The following WDR70 variants were observed in gnomAD, a reference collection of about 807,000 sequenced individuals.
WDR70 encodes the protein WD repeat-containing protein 70.
Under a neutral mutation model 88.6 loss-of-function variants are expected in WDR70, and 53 were observed. The ratio of observed to expected loss-of-function variants is 0.60; its 90% CI spans 0.48 to 0.75. The LOEUF (loss-of-function observed/expected upper bound fraction) is 0.75, where lower values mean the gene tolerates loss of function less well. Ranked by LOEUF, WDR70 falls within the 30% of genes least tolerant of loss-of-function variation. The pLI, the probability that WDR70 is intolerant of heterozygous loss-of-function variation, is 0.00. For missense variants in WDR70, 610 were observed against 823.2 expected (o/e 0.74, Z 3.17); for synonymous variants, 280 against 270.0 (o/e 1.04, Z -0.36).
chr5:37,747,661 C>T (rs865929352), intron 17 of WDR70, among the ~76,000 whole-genome samples: 3 of 151,562 alleles, frequency 2.0e-5, no homozygotes, highest in African/African-American at 7.3e-5. Flanking sequence ...GGCAATCAGG[C>T]AAGAGGTATT....
At chr5:37,395,181 G>A (rs563641870) in intron 4 of WDR70, among the ~76,000 whole-genome samples, 6 of 152,210 alleles carry the variant, frequency 3.9e-5, no homozygotes, top group African/African-American at 7.2e-5. Context: ...CAACTCTGGC[G>A]GCAGGTGGAG....
At chr5:37,482,124 T>G (rs1230752612) in intron 8 of WDR70, among the ~76,000 whole-genome samples, 1 of 152,148 alleles carries the variant, frequency 6.6e-6, no homozygotes, top group African/African-American at 2.4e-5. Context: ...AACAAGTCTC[T>G]AGGAAGTTCC....
At chr5:37,686,557 A>C (rs1011369191) in intron 10 of WDR70, among the ~76,000 whole-genome samples, 1 of 142,324 alleles carries the variant, frequency 7.0e-6, no homozygotes, top group Non-Finnish European at 1.5e-5. Flanking sequence ...TGAGACCACC[A>C]CCCCCGGCTC....
intron 9 of WDR70, among the ~76,000 whole-genome samples, chr5:37,528,115 C>G (rs1741358721): frequency 6.6e-6 from 1 of 152,158 alleles, no homozygotes; most frequent in Non-Finnish European, 1.5e-5. Flanking sequence ...TTGACCCAGC[C>G]ATCCCATTAC....
At chr5:37,489,713 G>A (rs547533440) in intron 8 of WDR70, among the ~76,000 whole-genome samples, 1 of 152,154 alleles carries the variant, frequency 6.6e-6, no homozygotes, top group East Asian at 1.9e-4. Context: ...GTAGGGTGGT[G>A]TGGTAGGGCA....
chr5:37,659,570 A>T (rs1411082156), intron 10 of WDR70, among the ~76,000 whole-genome samples: 1 of 152,226 alleles, frequency 6.6e-6, no homozygotes, highest in Non-Finnish European at 1.5e-5. Flanking sequence ...TTTGTGTCTT[A>T]GCTCAGGCTG....
chr5:37,461,753 G>A (rs936460329), intron 7 of WDR70, among the ~76,000 whole-genome samples: 1 of 152,154 alleles, frequency 6.6e-6, no homozygotes, highest in African/African-American at 2.4e-5. Flanking sequence ...AAAGTGCTGG[G>A]ATTACAGGCG....
At chr5:37,712,685 T>TA (rs949249266) in intron 13 of WDR70, among the ~76,000 whole-genome samples, 8 of 151,624 alleles carry the variant, frequency 5.3e-5, no homozygotes, top group African/African-American at 1.5e-4. Context: ...ATTATCTCTT[T>TA]AAAAAAAAAC....
intron 7 of WDR70, among the ~76,000 whole-genome samples, chr5:37,472,866 T>C (rs1231287610): frequency 6.6e-6 from 1 of 152,088 alleles, no homozygotes; most frequent in Admixed American, 6.5e-5. Context: ...TGAACGTTTT[T>C]GTATGAGCCT....
In WDR70 at chr5:37,605,148, TC is replaced by T; in HGVS notation, c.1005del (p.Thr336LeufsTer12). 1 of 1,613,608 alleles carries T rather than the reference TC, an allele frequency of 6.2e-7. No individual in the cohort carries two copies. The highest frequency in any genetic ancestry group is 1.3e-5 in the African/African-American group (1 of 75,024). ...PRTMQGKKVI[P>X]TTCTYSRDGN... ...GGACGATGCAAGGCAAAAAAGTCATTCCCACTACGTGCACATATAGTAGAGA... is the reference window on the plus strand; with the variant it reads ...GGACGATGCAAGGCAAAAAAGTCATTCCACTACGTGCACATATAGTAGAGA... On this transcript the variant is annotated frameshift_variant, in exon 10 of 18. Coordinates refer to ENST00000265107, the MANE Select transcript of WDR70 (RefSeq NM_018034.4). LOFTEE classifies it high-confidence loss of function.
chr5:37,480,459 G>A (rs1240474053), intron 8 of WDR70, among the ~76,000 whole-genome samples: 3 of 152,188 alleles, frequency 2.0e-5, no homozygotes, highest in Admixed American at 6.5e-5. Flanking sequence ...CTGCATGGCT[G>A]GAGAGGCCTC....
rs767809769 is a variant in WDR70, at chr5:37,392,054, ATGAAGATAT to A, written c.234_242del (p.Asp79_Glu81del). On this transcript the variant is annotated inframe_deletion, in exon 4 of 18. Coordinates refer to ENST00000265107, the MANE Select transcript of WDR70 (RefSeq NM_018034.4). ...AGAGAGAAAGAATTAAGAAGACAAA[ATGAAGATAT>A]TGAGCCAACATCCTCAAGATCAAAT... is the stretch of plus-strand genomic sequence containing the variant. 2 of 1,612,986 alleles carry A rather than the reference ATGAAGATAT, an allele frequency of 1.2e-6. No homozygotes were observed. Among genetic ancestry groups the A allele is most frequent in the African/African-American group, 2.7e-5 (2 of 74,886 alleles).
At chr5:37,513,659 C>T (rs187039687) in intron 8 of WDR70, among the ~76,000 whole-genome samples, 15 of 152,214 alleles carry the variant, frequency 9.9e-5, no homozygotes, top group Non-Finnish European at 2.1e-4. Context: ...GTAGTCTGCA[C>T]CAAAACTGAA....
At chr5:37,715,636 G>C (rs1482596163) in intron 13 of WDR70, among the ~76,000 whole-genome samples, 1 of 152,164 alleles carries the variant, frequency 6.6e-6, no homozygotes, top group African/African-American at 2.4e-5. Context: ...TCCCAAGTTT[G>C]AGAAAAGCAA....
At chr5:37,556,918 C>G (rs1874178) in intron 9 of WDR70, among the ~76,000 whole-genome samples, 96,693 of 152,014 alleles carry the variant, frequency 0.64, 31,132 homozygotes, top group Non-Finnish European at 0.69. Flanking sequence ...GGTTGAGCCT[C>G]TTGTGGAGGT....
intron 6 of WDR70, among the ~76,000 whole-genome samples, chr5:37,439,804 C>A (rs561079403): frequency 6.6e-6 from 1 of 151,760 alleles, no homozygotes. Context: ...ACATTTTAGT[C>A]CCCCCGTCCC....
At chr5:37,627,879 AGAAT>A (rs1488507309) in intron 10 of WDR70, among the ~76,000 whole-genome samples, 12 of 152,170 alleles carry the variant, frequency 7.9e-5, no homozygotes, top group African/African-American at 2.9e-4. Flanking sequence ...GCTGCTGAAA[AGAAT>A]GAAGTTGTTA....
intron 9 of WDR70, among the ~76,000 whole-genome samples, chr5:37,519,565 A>G (rs1158096057): frequency 7.5e-6 from 1 of 133,868 alleles, no homozygotes; most frequent in African/African-American, 2.9e-5. Flanking sequence ...CTCACCTCCC[A>G]GACGATGGGC....
At chr5:37,724,787 T>C in intron 15 of WDR70, 147 bp from the exon 16 acceptor site, 1 of 795,576 alleles carries the variant, frequency 1.3e-6, no homozygotes, top group East Asian at 2.6e-5. Context: ...AATTGGCTAA[T>C]TGGTTACAGT....
Sources: allele counts gnomAD v4.1 joint callset (sites outside exome capture counted in the v4.1 genomes callset), GRCh38; gene constraint gnomAD v4.1.1; transcripts MANE v1.5; gene names NCBI Gene and HGNC (gene_info 2026-07-23, HGNC 2026-07-21).